Variants in TASP1 observed in about 807,000 individuals in gnomAD.
The protein encoded by TASP1 is threonine aspartase 1.
In TASP1, 16 loss-of-function variants were observed where a neutral mutation model predicts 56.6. The ratio of observed to expected loss-of-function variants is 0.28; its 90% CI spans 0.19 to 0.43. The LOEUF is 0.43. Ranked by LOEUF, TASP1 falls within the 20% of genes least tolerant of loss-of-function variation. The probability of loss-of-function intolerance (pLI) is 1.00; values close to 1 mark genes in which losing one functional copy is unlikely to be tolerated. For synonymous variants in TASP1, 179 were observed against 184.2 expected, an observed-to-expected ratio of 0.97 and a Z score of 0.23; for missense variants, 393 against 511.6, an observed-to-expected ratio of 0.77 and a Z score of 2.24.
At chr20:13,401,851 G>A (rs2041749664) in intron 13 of TASP1, among the ~76,000 whole-genome samples, 1 of 152,142 alleles carries the variant, frequency 6.6e-6, no homozygotes, top group Non-Finnish European at 1.5e-5. Flanking sequence ...CATGAGTCTG[G>A]CTGGGAAGAT....
chr20:13,106,508 C>T, the TASP1 span, among the ~76,000 whole-genome samples: 14 of 152,062 alleles, frequency 9.2e-5, no homozygotes, highest in African/African-American at 3.1e-4. Flanking sequence ...TCCAGACAGA[C>T]AAGAGGAAAA....
chr20:13,602,294 A>G (rs1366350290), intron 4 of TASP1, among the ~76,000 whole-genome samples: 1 of 152,202 alleles, frequency 6.6e-6, no homozygotes, highest in Admixed American at 6.5e-5. Flanking sequence ...AAAAACAAGG[A>G]AAGTCTGAGA....
At chr20:13,366,548 G>A in the TASP1 span, among the ~76,000 whole-genome samples, 1 of 152,122 alleles carries the variant, frequency 6.6e-6, no homozygotes, top group African/African-American at 2.4e-5. Flanking sequence ...CAGACCTACT[G>A]AAAAGATATT....
chr20:13,288,789 TTC>T, the TASP1 span: 1 of 1,218,860 alleles, frequency 8.2e-7, no homozygotes, highest in Non-Finnish European at 1.1e-6. Flanking sequence ...TACTTTTCTT[TTC>T]TTTTTTTTTT....
chr20:13,153,890 C>A, the TASP1 span: 2 of 1,389,348 alleles, frequency 1.4e-6, no homozygotes, highest in East Asian at 4.6e-5. Flanking sequence ...TTCCTCCTCC[C>A]AGCTAGTGCT....
chr20:13,194,508 A>T, the TASP1 span, among the ~76,000 whole-genome samples: 3 of 151,362 alleles, frequency 2.0e-5, no homozygotes, highest in African/African-American at 7.3e-5. Flanking sequence ...GTTTGAGCAG[A>T]GGTTGATCCA....
the TASP1 span, among the ~76,000 whole-genome samples, chr20:13,163,756 C>A: frequency 6.6e-6 from 1 of 152,076 alleles, no homozygotes; most frequent in African/African-American, 2.4e-5. Flanking sequence ...ACATTAACAA[C>A]CCTCACCTTA....
At chr20:13,324,929 T>A in the TASP1 span, among the ~76,000 whole-genome samples, 1 of 152,236 alleles carries the variant, frequency 6.6e-6, no homozygotes. Flanking sequence ...CAAGGATCCC[T>A]AGCTTTGATG....
Position 13,587,232 on chromosome 20 carries a change from G to C in TASP1, c.403+18C>G. On this transcript the variant is annotated intron_variant, in intron 5 of 13. Transcript: ENST00000337743. The stretch of plus-strand genomic sequence containing the variant: ...GTGCATGATTTTCCAAAGATAGTAG[G>C]TCATAATGCCCACATACCACTCAGT... The C allele has an allele frequency of 6.3e-7, 1 of 1,596,194 alleles. No homozygotes were observed. Among genetic ancestry groups the C allele is most frequent in the Non-Finnish European group, 8.5e-7 (1 of 1,174,398 alleles).
downstream of TASP1, among the ~76,000 whole-genome samples, chr20:13,388,346 CATGAT>C (rs1481205335): frequency 2.0e-5 from 3 of 151,928 alleles, no homozygotes; most frequent in Non-Finnish European, 4.4e-5. Flanking sequence ...TTTTTGCCTC[CATGAT>C]TCTGAATATC....
In TASP1 at chr20:13,466,965, C is replaced by T. The variant is rs149055885; in HGVS notation, c.985+16262G>A. ...GACTTGTCTGTGCTTTTTTAAGCCA[C>T]AAAAATGACTTCAAAAGAAAACTAA... On this transcript the variant is annotated intron_variant, in intron 11 of 13. Coordinates refer to ENST00000337743, the MANE Select transcript of TASP1 (RefSeq NM_017714.3). 6.1e-3 allele frequency among the ~76,000 whole-genome samples: 927 copies of T among 151,900 alleles called. 5 individuals carry two copies. Among genetic ancestry groups the T allele is most frequent in the African/African-American group, 0.019 (788 of 41,434 alleles).
the TASP1 span, among the ~76,000 whole-genome samples, chr20:13,122,375 CTG>C: frequency 1.3e-5 from 2 of 152,162 alleles, no homozygotes; most frequent in Non-Finnish European, 2.9e-5. Flanking sequence ...GGAACAGTCT[CTG>C]GGTTAGGGAA....
At position 13,623,187 on chromosome 20, in the gene TASP1, A is replaced by G. The variant is rs567662857; in HGVS notation, c.282+259T>C. Among the ~76,000 whole-genome samples, 4 of 152,274 alleles carry G rather than the reference A, an allele frequency of 2.6e-5. No homozygotes were observed. In the South Asian group the frequency reaches 8.3e-4, roughly 32 times the overall value. ...TTTTCCTACTGAAAATGGGAAACTTAAGTATCCAATCCTTAACTTTTGTAT... is the reference window on the plus strand; with the variant it reads ...TTTTCCTACTGAAAATGGGAAACTTGAGTATCCAATCCTTAACTTTTGTAT... On this transcript the variant is annotated intron_variant, in intron 4 of 13. Transcript: ENST00000337743.
At chr20:13,270,686 A>G in the TASP1 span, 6 of 1,613,912 alleles carry the variant, frequency 3.7e-6, no homozygotes, top group Non-Finnish European at 5.1e-6. Flanking sequence ...TCCTTGATCT[A>G]CCAAACTTTC....
chr20:13,605,091 A>G (rs1413843620), intron 4 of TASP1, among the ~76,000 whole-genome samples: 2 of 151,626 alleles, frequency 1.3e-5, no homozygotes, highest in Non-Finnish European at 1.5e-5. Context: ...ACAAAAGATC[A>G]CAAGTTCTAT....
chr20:13,564,187 C>T (rs1006206413), intron 7 of TASP1, among the ~76,000 whole-genome samples: 3 of 152,034 alleles, frequency 2.0e-5, no homozygotes, highest in East Asian at 1.9e-4. Flanking sequence ...TCTCCAACCC[C>T]GTCCCCCAAC....
intron 13 of TASP1, among the ~76,000 whole-genome samples, chr20:13,391,042 C>T (rs1037506346): frequency 2.0e-5 from 3 of 152,186 alleles, no homozygotes; most frequent in African/African-American, 7.2e-5. Context: ...GGTACCCGTG[C>T]CAGAGGCAAG....
At chr20:13,376,930 C>T in the TASP1 span, among the ~76,000 whole-genome samples, 1 of 152,128 alleles carries the variant, frequency 6.6e-6, no homozygotes. Flanking sequence ...GTTTTGTATC[C>T]TGAGACTTTG....
the TASP1 span, among the ~76,000 whole-genome samples, chr20:13,180,325 A>G: frequency 9.2e-5 from 14 of 152,304 alleles, no homozygotes; most frequent in East Asian, 2.7e-3. Flanking sequence ...AAATGCCTGT[A>G]ACCTACCAAG....
Sources: gnomAD v4.1 joint callset for allele counts (sites outside exome capture counted in the v4.1 genomes callset) on GRCh38, gnomAD v4.1.1 for gene constraint, MANE v1.5 for transcripts, NCBI Gene and HGNC (gene_info 2026-07-23, HGNC 2026-07-21) for gene names.